The following TAAR1 variants were observed in gnomAD, a reference collection of about 807,000 sequenced individuals.
The protein encoded by TAAR1 is trace amine associated receptor 1.
Under a neutral mutation model 1.2 loss-of-function variants are expected in TAAR1, and 1 was observed. That is an observed-to-expected ratio of 0.81 (90% CI 0.29 to 3.86). The LOEUF is 3.86. Ranked by LOEUF, TAAR1 falls within the 30% of genes most tolerant of loss-of-function variation. The pLI is 0.18. For synonymous variants in TAAR1, 153 were observed against 132.2 expected (o/e 1.16, Z -1.08); for missense variants, 445 against 405.6 (o/e 1.10, Z -0.83).
In TAAR1 at chr6:132,644,497, T is replaced by C. The variant is rs1300453725; in HGVS notation, c.*487A>G. ...GATATTTAAGGATTGGAATATATAT[T>C]AACAATACAAATAAATTATGTGTCA... On this transcript the variant is annotated 3_prime_UTR_variant, in exon 2 of 2. Coordinates refer to ENST00000275216, the MANE Select transcript of TAAR1 (RefSeq NM_138327.4). Among the ~76,000 whole-genome samples the C allele has an allele frequency of 2.0e-5, 3 of 151,964 alleles. No homozygotes were observed. Among genetic ancestry groups the C allele is most frequent in the Non-Finnish European group, 2.9e-5 (2 of 67,914 alleles).
At chr6:132,647,203 A>G (rs1335735083) in intron 1 of TAAR1, among the ~76,000 whole-genome samples, 1 of 151,994 alleles carries the variant, frequency 6.6e-6, no homozygotes, top group Non-Finnish European at 1.5e-5. Flanking sequence ...AAAAATTATT[A>G]TGAGTAGGCA....
intron 1 of TAAR1, among the ~76,000 whole-genome samples, chr6:132,658,000 C>T (rs1396288424): frequency 7.1e-6 from 1 of 140,442 alleles, no homozygotes; most frequent in Non-Finnish European, 1.5e-5. Context: ...TAATTCTTTG[C>T]ATGATTTATT....
At chr6:132,650,552 A>C (rs185540884) in intron 1 of TAAR1, among the ~76,000 whole-genome samples, 173 of 152,256 alleles carry the variant, frequency 1.1e-3, no homozygotes, top group Non-Finnish European at 1.6e-3. Context: ...TGCCTTCTTG[A>C]ATCTCAAATA....
chr6:132,655,035 C>A (rs984366354), intron 1 of TAAR1, among the ~76,000 whole-genome samples: 1 of 152,104 alleles, frequency 6.6e-6, no homozygotes, highest in Admixed American at 6.6e-5. Context: ...CAAAAAAAAT[C>A]CTACACCCCT....
chr6:132,650,187 A>G (rs549315220), intron 1 of TAAR1, among the ~76,000 whole-genome samples: 1 of 152,004 alleles, frequency 6.6e-6, no homozygotes, highest in Non-Finnish European at 1.5e-5. Flanking sequence ...ACAATTTTTC[A>G]CTAGTGCTTC....
At chr6:132,650,734 G>A (rs1414449960) in intron 1 of TAAR1, among the ~76,000 whole-genome samples, 1 of 152,122 alleles carries the variant, frequency 6.6e-6, no homozygotes, top group African/African-American at 2.4e-5. Flanking sequence ...TCCCATCACA[G>A]GCCTTTCCTC....
At position 132,645,950 on chromosome 6, in the gene TAAR1, C is replaced by T. The variant is rs537901236; in HGVS notation, c.54G>A (p.Trp18Ter). 4.3e-6 allele frequency: 7 copies of T among 1,610,366 alleles called. No individual in the cohort carries two copies. In the East Asian group the frequency reaches 1.6e-4, roughly 36 times the overall value. Residue 18 changes from tryptophan to a stop codon, truncating the protein, a stop_gained, in exon 2 of 2, where the codon TGG (tryptophan) becomes TGA (stop). Transcript: ENST00000275216. LOFTEE classifies it low-confidence loss of function (END_TRUNC). The part of the protein sequence containing the change: ...IINISCVKNN[W>*]SNDVRASLYS... ...ACAGGGAAGCACGGACATCATTTGA[C>T]CAGTTGTTTTTCACACAGGAAATAT...
chr6:132,647,623 G>GAAAAAGAAAGAAAGAAA (rs201011015), intron 1 of TAAR1, among the ~76,000 whole-genome samples: 34 of 103,120 alleles, frequency 3.3e-4, no homozygotes, highest in South Asian at 2.7e-3. Context: ...GAAAGAAAAA[G>GAAAAAGAAAGAAAGAAA]GAAAGAAAGA....
At chr6:132,647,091 C>T (rs539365852) in intron 1 of TAAR1, among the ~76,000 whole-genome samples, 2 of 152,026 alleles carry the variant, frequency 1.3e-5, no homozygotes, top group South Asian at 4.2e-4. Context: ...AGGTGAGAGC[C>T]CAGGGAAGCT....
chr6:132,652,853 A>G (rs921780016), intron 1 of TAAR1, among the ~76,000 whole-genome samples: 1 of 151,822 alleles, frequency 6.6e-6, no homozygotes, highest in African/African-American at 2.4e-5. Context: ...TAAGAACTCT[A>G]TGGAAGGTGT....
chr6:132,644,495 A>G lies in TAAR1; in HGVS notation c.*489T>C, dbSNP rs1361687786. 6.6e-6 allele frequency among the ~76,000 whole-genome samples: 1 copy of G among 152,058 alleles called. No individual in the cohort carries two copies. The highest frequency in any genetic ancestry group is 2.4e-5 in the African/African-American group (1 of 41,444). ...AAGATATTTAAGGATTGGAATATAT[A>G]TTAACAATACAAATAAATTATGTGT... On this transcript the variant is annotated 3_prime_UTR_variant, in exon 2 of 2. Transcript: ENST00000275216.
At chr6:132,653,776 G>A (rs943880858) in intron 1 of TAAR1, among the ~76,000 whole-genome samples, 4 of 152,088 alleles carry the variant, frequency 2.6e-5, no homozygotes, top group Non-Finnish European at 4.4e-5. Context: ...CTTGGCTAAC[G>A]TTATATAAAA....
chr6:132,645,414 G>A lies in TAAR1; in HGVS notation c.590C>T (p.Thr197Ile), dbSNP rs772535179. The A allele has an allele frequency of 1.1e-5, 17 of 1,613,618 alleles. 1 individual carries two copies. Among genetic ancestry groups the A allele is most frequent in the South Asian group, 8.8e-5 (8 of 91,070 alleles). ...SKISGVLTFM[T>I]SFYIPGSIML... is the part of the protein sequence containing the mutation. ...AATAGATCCAGGTATATAAAAAGAA[G>A]TCATAAAGGTCAGTACCCCAGATAT... The change falls in exon 2 of 2, where the codon ACT becomes ATT. Residue 197 changes from threonine (T) to isoleucine (I), a missense_variant. Thr to Ile is a moderately conservative substitution (Grantham distance 89). Transcript: ENST00000275216.
chr6:132,643,596 T>A lies in TAAR1; in HGVS notation c.*1388A>T, dbSNP rs1313880247. Among the ~76,000 whole-genome samples, 1 of 152,026 alleles carries A rather than the reference T, an allele frequency of 6.6e-6. No homozygotes were observed. Among genetic ancestry groups the A allele is most frequent in the African/African-American group, 2.4e-5 (1 of 41,434 alleles). On this transcript the variant is annotated 3_prime_UTR_variant, in exon 2 of 2. Transcript: ENST00000275216. Reference sequence around the variant, plus strand: ...CATATCCTCCGGAGATCCTCAGATTTGTAAACAGAAATTTATACGCAGCAG... The same window carrying A: ...CATATCCTCCGGAGATCCTCAGATTAGTAAACAGAAATTTATACGCAGCAG...
intron 1 of TAAR1, among the ~76,000 whole-genome samples, chr6:132,652,854 T>C (rs1777764152): frequency 6.6e-6 from 1 of 151,746 alleles, no homozygotes; most frequent in South Asian, 2.1e-4. Flanking sequence ...AAGAACTCTA[T>C]GGAAGGTGTG....
In TAAR1 at chr6:132,649,718, T is replaced by A. The variant is rs556993727; in HGVS notation, c.-126-3589A>T. 2.0e-5 allele frequency among the ~76,000 whole-genome samples: 3 copies of A among 152,230 alleles called. No individual in the cohort carries two copies. The South Asian group carries it at 6.2e-4, about 32-fold the overall frequency. ...ACCATCAGATCTCATGAGAACTCAC[T>A]CACTATCATGAGAACAGCATGGAGG... On this transcript the variant is annotated intron_variant, in intron 1 of 1. Coordinates refer to ENST00000275216, the MANE Select transcript of TAAR1 (RefSeq NM_138327.4).
chr6:132,648,564 A>G (rs1777713371), intron 1 of TAAR1, among the ~76,000 whole-genome samples: 2 of 152,230 alleles, frequency 1.3e-5, no homozygotes, highest in Admixed American at 6.5e-5. Context: ...CCTTAGGCAC[A>G]GTATCTTAGA....
At chr6:132,657,784 C>T (rs1582755144) in intron 1 of TAAR1, among the ~76,000 whole-genome samples, 2 of 152,022 alleles carry the variant, frequency 1.3e-5, no homozygotes, top group African/African-American at 4.8e-5. Flanking sequence ...ACGTTTTTAC[C>T]TGGGTGGTGA....
At chr6:132,650,857 G>A (rs1318149229) in intron 1 of TAAR1, among the ~76,000 whole-genome samples, 1 of 152,070 alleles carries the variant, frequency 6.6e-6, no homozygotes, top group Non-Finnish European at 1.5e-5. Context: ...CAAATATGCA[G>A]TAATACTTTC....
Sources: allele counts gnomAD v4.1 joint callset (sites outside exome capture counted in the v4.1 genomes callset), GRCh38; gene constraint gnomAD v4.1.1; transcripts MANE v1.5; gene names NCBI Gene and HGNC (gene_info 2026-07-23, HGNC 2026-07-21).